Variants in CAPZB observed in about 807,000 individuals in gnomAD.
CAPZB encodes the protein F-actin-capping protein subunit beta.
Under a neutral mutation model 38.1 loss-of-function variants are expected in CAPZB, and 2 were observed. The observed-to-expected ratio is 0.05, with a 90% CI of 0.02 to 0.17. The LOEUF (loss-of-function observed/expected upper bound fraction) is 0.17. CAPZB is among the 10% of genes least tolerant of loss of function. The pLI is 1.00. For synonymous variants in CAPZB, 107 were observed against 127.4 expected, an observed-to-expected ratio of 0.84 and a Z score of 1.08; for missense variants, 161 against 334.2, an observed-to-expected ratio of 0.48 and a Z score of 4.04.
At chr1:19,369,904 C>T (rs2094111082) in intron 4 of CAPZB, among the ~76,000 whole-genome samples, 1 of 152,214 alleles carries the variant, frequency 6.6e-6, no homozygotes. Flanking sequence ...GCCCCCGGGG[C>T]ACCTGGAACT....
At chr1:19,371,950 G>T (rs1379333394) in intron 4 of CAPZB, among the ~76,000 whole-genome samples, 1 of 152,252 alleles carries the variant, frequency 6.6e-6, no homozygotes. Flanking sequence ...CCAGAGAGGG[G>T]ACAGGTGCTG....
At chr1:19,397,047 A>G (rs1406426140) in intron 2 of CAPZB, among the ~76,000 whole-genome samples, 4 of 151,880 alleles carry the variant, frequency 2.6e-5, no homozygotes, top group Non-Finnish European at 5.9e-5. Flanking sequence ...ACACAAACAT[A>G]ACTCATATAT....
At chr1:19,371,447 AGT>A (rs2094119134) in intron 4 of CAPZB, among the ~76,000 whole-genome samples, 1 of 152,242 alleles carries the variant, frequency 6.6e-6, no homozygotes, top group African/African-American at 2.4e-5. Context: ...TCTGACGCAC[AGT>A]GTGTCACTGA....
intron 4 of CAPZB, among the ~76,000 whole-genome samples, chr1:19,369,732 A>G (rs2094109932): frequency 6.6e-6 from 1 of 152,240 alleles, no homozygotes; most frequent in Admixed American, 6.5e-5. Context: ...ATGAGAACAC[A>G]GACCTCGCTG....
intron 1 of CAPZB, among the ~76,000 whole-genome samples, chr1:19,450,024 C>G (rs1377513145): frequency 6.6e-6 from 1 of 150,696 alleles, no homozygotes; most frequent in Non-Finnish European, 1.5e-5. Flanking sequence ...CACCCGTAGT[C>G]CCACTTACTC....
chr1:19,380,830 G>A (rs541918513), intron 3 of CAPZB, among the ~76,000 whole-genome samples: 3 of 152,040 alleles, frequency 2.0e-5, no homozygotes, highest in African/African-American at 7.2e-5. Context: ...ACCTAGAACA[G>A]TGCCTGGCAC....
intron 3 of CAPZB, among the ~76,000 whole-genome samples, chr1:19,379,350 C>T (rs926998269): frequency 2.6e-5 from 4 of 152,194 alleles, no homozygotes; most frequent in Non-Finnish European, 5.9e-5. Context: ...CTCCCTGCCT[C>T]AGCCTCCCAA....
chr1:19,402,116 C>T (rs551309321), intron 2 of CAPZB, among the ~76,000 whole-genome samples: 3 of 152,326 alleles, frequency 2.0e-5, no homozygotes, highest in East Asian at 1.9e-4. Context: ...CCAAAATCTA[C>T]GAGTTCAGGA....
At chr1:19,347,387 T>C (rs2093967764) in intron 6 of CAPZB, among the ~76,000 whole-genome samples, 1 of 152,140 alleles carries the variant, frequency 6.6e-6, no homozygotes, top group Non-Finnish European at 1.5e-5. Flanking sequence ...CGCATCCTTC[T>C]GGCAAGTTCC....
At chr1:19,435,075 C>G (rs1052997220) in intron 1 of CAPZB, among the ~76,000 whole-genome samples, 8 of 145,724 alleles carry the variant, frequency 5.5e-5, no homozygotes, top group Non-Finnish European at 1.1e-4. Flanking sequence ...TTAACATTCC[C>G]TAAAGGCATG....
chr1:19,345,638 C>T lies in CAPZB; in HGVS notation c.589-386G>A, dbSNP rs148501139. 4.2e-4 allele frequency among the ~76,000 whole-genome samples: 64 copies of T among 152,390 alleles called. 1 individual carries two copies. The highest frequency in any genetic ancestry group is 1.4e-3 in the African/African-American group (60 of 41,604). ...AGGCCCAGGCCCACGCTGGGCCATCCACCCCAGGTTCAGGGCCTGACACTG... is the reference window on the plus strand; with the variant it reads ...AGGCCCAGGCCCACGCTGGGCCATCTACCCCAGGTTCAGGGCCTGACACTG... On this transcript the variant is annotated intron_variant, in intron 6 of 8. Coordinates refer to ENST00000264202, the MANE Select transcript of CAPZB (RefSeq NM_004930.5).
rs1030742379 is a variant in CAPZB at position 19,348,767 on chromosome 1, G to T, written c.589-3515C>A. Among the ~76,000 whole-genome samples, 3 of 135,990 alleles carry T rather than the reference G, an allele frequency of 2.2e-5. No homozygotes were observed. The South Asian group carries it at 7.4e-4, about 33-fold the overall frequency. The allele number at this position is 135,990 out of a possible 152,430, so 89.2% of individuals were successfully genotyped here. ...ACGGGTGGCATCTGACAAGGGGGGG[G>T]GGCGGTCTAGGTGAGGGCAACAGTC... On this transcript the variant is annotated intron_variant, in intron 6 of 8. Transcript: ENST00000264202.
chr1:19,389,116 G>A (rs1292010541), intron 2 of CAPZB, among the ~76,000 whole-genome samples: 2 of 152,164 alleles, frequency 1.3e-5, no homozygotes, highest in Non-Finnish European at 2.9e-5. Context: ...AATGAGAAAT[G>A]TGGAATAATA....
rs1167666829 is a variant in CAPZB at position 19,485,423 on chromosome 1, G to A, written c.3+13C>T. On this transcript the variant is annotated intron_variant, in intron 1 of 8. Coordinates refer to ENST00000264202, the MANE Select transcript of CAPZB (RefSeq NM_004930.5). ...GGGCCCCCGGGCCGGGGAGGGGGCC[G>A]TGCGGCCTTTACCATGGTGGCGGCG... 94 of 1,229,368 alleles carry A rather than the reference G, an allele frequency of 7.6e-5. No individual in the cohort carries two copies. The highest frequency in any genetic ancestry group is 8.2e-5 in the South Asian group (2 of 24,318). The allele number at this position is 1,229,368 out of a possible 1,614,324, so 76.2% of individuals were successfully genotyped here. A position where few individuals can be genotyped will look rare whatever the true frequency, so the allele number is the denominator to read the frequency against.
At chr1:19,447,239 TAGAC>T (rs956143519) in intron 1 of CAPZB, among the ~76,000 whole-genome samples, 3 of 148,492 alleles carry the variant, frequency 2.0e-5, no homozygotes, top group Non-Finnish European at 3.0e-5. Context: ...AAACTCGACA[TAGAC>T]AGAGACATTG....
At chr1:19,437,508 C>CA (rs1421348899) in intron 1 of CAPZB, among the ~76,000 whole-genome samples, 1 of 152,184 alleles carries the variant, frequency 6.6e-6, no homozygotes, top group African/African-American at 2.4e-5. Context: ...TTCCTGTCTT[C>CA]AGGTCTTGTC....
chr1:19,348,304 C>T (rs1330100242), intron 6 of CAPZB, among the ~76,000 whole-genome samples: 2 of 151,608 alleles, frequency 1.3e-5, no homozygotes, highest in Admixed American at 6.6e-5. Flanking sequence ...GGAGGTCTTG[C>T]TATGTTGCCC....
intron 4 of CAPZB, among the ~76,000 whole-genome samples, chr1:19,363,410 C>G (rs76913939): frequency 6.6e-6 from 1 of 151,954 alleles, no homozygotes; most frequent in African/African-American, 2.4e-5. Context: ...CAGCTAAAAG[C>G]CTAATGTGTC....
At chr1:19,424,600 A>T (rs1028087548) in intron 1 of CAPZB, 1 of 152,374 alleles carries the variant, frequency 6.6e-6, no homozygotes, top group African/African-American at 2.4e-5. Flanking sequence ...CAGGTCAAAA[A>T]ATACAAGGAA....
Sources: allele counts gnomAD v4.1 joint callset (sites outside exome capture counted in the v4.1 genomes callset), GRCh38; gene constraint gnomAD v4.1.1; transcripts MANE v1.5; gene names NCBI Gene and HGNC (gene_info 2026-07-23, HGNC 2026-07-21).